SDK1: variants seen among roughly 807,000 people sequenced by gnomAD.
The protein encoded by SDK1 is sidekick cell adhesion molecule 1, also known as protein sidekick-1.
Under a neutral mutation model 245.5 loss-of-function variants are expected in SDK1, and 157 were observed. The ratio of observed to expected loss-of-function variants is 0.64; its 90% CI spans 0.56 to 0.73. The LOEUF is 0.73. SDK1 is among the 30% of genes least tolerant of loss of function. The pLI, the probability that SDK1 is intolerant of heterozygous loss-of-function variation, is 0.00. For missense variants in SDK1, 3,583 were observed against 3,002.3 expected (o/e 1.19, Z -4.52); for synonymous variants, 1,647 against 1,278.5 (o/e 1.29, Z -6.15).
chr7:3,753,556 G>A (rs900109132), intron 4 of SDK1, among the ~76,000 whole-genome samples: 1 of 152,180 alleles, frequency 6.6e-6, no homozygotes, highest in African/African-American at 2.4e-5. Context: ...GGTTCTTGCC[G>A]TTTATTGCAG....
chr7:3,848,922 G>A (rs1227715109), intron 5 of SDK1, among the ~76,000 whole-genome samples: 4 of 152,200 alleles, frequency 2.6e-5, no homozygotes, highest in South Asian at 2.1e-4. Flanking sequence ...CGCCCACCTC[G>A]GCCTCCCAAA....
chr7:3,940,380 G>A (rs918021916), intron 5 of SDK1, among the ~76,000 whole-genome samples: 1 of 152,372 alleles, frequency 6.6e-6, no homozygotes, highest in Middle Eastern at 3.4e-3. Flanking sequence ...AGGCAAACGC[G>A]AAAACGCATC....
At chr7:4,125,341 A>G (rs1180128252) in intron 25 of SDK1, among the ~76,000 whole-genome samples, 1 of 144,770 alleles carries the variant, frequency 6.9e-6, no homozygotes, top group Non-Finnish European at 1.5e-5. Context: ...GGATGAATGA[A>G]TAGATGGATG....
In SDK1 at chr7:3,487,616, A is replaced by G. The variant is rs113658195; in HGVS notation, c.299-131464A>G. Among the ~76,000 whole-genome samples, 99 of 152,118 alleles carry G rather than the reference A, an allele frequency of 6.5e-4. 1 individual carries two copies. Among genetic ancestry groups the G allele is most frequent in the Admixed American group, 1.9e-3 (29 of 15,280 alleles). On this transcript the variant is annotated intron_variant, in intron 1 of 44. Transcript: ENST00000404826. ...CAAACACCCAAAAAATTAGCCAGGC[A>G]TGGTAGCTTGCACCTGTAGTCCCAG...
intron 12 of SDK1, among the ~76,000 whole-genome samples, chr7:3,973,356 T>C (rs1470527943): frequency 6.6e-6 from 1 of 152,196 alleles, no homozygotes; most frequent in Non-Finnish European, 1.5e-5. Context: ...GATCAAATTA[T>C]TGTGGAAAAG....
Position 3,752,763 on chromosome 7 carries a change from G to A in SDK1, c.714-68687G>A, listed in dbSNP as rs187845946. Among the ~76,000 whole-genome samples, 20 of 152,178 alleles carry A rather than the reference G, an allele frequency of 1.3e-4. No homozygotes were observed. In the East Asian group the frequency reaches 3.9e-3, roughly 29 times the overall value. On this transcript the variant is annotated intron_variant, in intron 4 of 44. Coordinates refer to ENST00000404826, the MANE Select transcript of SDK1 (RefSeq NM_152744.4). ...ATGAGACTCATCTTCAAAGGCAAGA[G>A]CCTTATTATTGGGAAACAATTGTGT...
rs1263284292 is a variant in SDK1 at position 4,042,248 on chromosome 7, C to A, written c.2603-7100C>A. Among the ~76,000 whole-genome samples the A allele has an allele frequency of 4.4e-5, 6 of 136,370 alleles. 1 individual carries two copies. The highest frequency in any genetic ancestry group is 2.0e-4 in the African/African-American group (6 of 29,748). The allele number at this position is 136,370 out of a possible 152,430, so 89.5% of individuals were successfully genotyped here. ...CACTGCACTGTCCCACCTCCTTCTT[C>A]CCCATCCACTCCCAGAAATCCTCTC... On this transcript the variant is annotated intron_variant, in intron 17 of 44. Coordinates refer to ENST00000404826, the MANE Select transcript of SDK1 (RefSeq NM_152744.4).
At chr7:3,874,215 C>A (rs186222473) in intron 5 of SDK1, among the ~76,000 whole-genome samples, 1 of 152,174 alleles carries the variant, frequency 6.6e-6, no homozygotes, top group Non-Finnish European at 1.5e-5. Context: ...GCCTAAGTTT[C>A]TCTAGTGGAA....
intron 4 of SDK1, among the ~76,000 whole-genome samples, chr7:3,670,691 A>G (rs1349823668): frequency 1.3e-5 from 2 of 152,124 alleles, no homozygotes; most frequent in Admixed American, 6.5e-5. Context: ...CTCCCCACTT[A>G]TACAGGATAC....
At chr7:3,463,534 T>C (rs555429795) in intron 1 of SDK1, among the ~76,000 whole-genome samples, 180 of 117,750 alleles carry the variant, frequency 1.5e-3, no homozygotes, top group Middle Eastern at 4.0e-3. Context: ...GAATGAAAAG[T>C]GCATAATTTA....
chr7:3,925,572 T>G (rs1446056832), intron 5 of SDK1, among the ~76,000 whole-genome samples: 2 of 152,160 alleles, frequency 1.3e-5, no homozygotes, highest in Non-Finnish European at 2.9e-5. Flanking sequence ...AGACGGCGTG[T>G]TCTCGCTGTT....
intron 1 of SDK1, among the ~76,000 whole-genome samples, chr7:3,523,382 T>C (rs1429101228): frequency 6.6e-6 from 1 of 152,168 alleles, no homozygotes; most frequent in Non-Finnish European, 1.5e-5. Flanking sequence ...ATACAGGATG[T>C]AGTTTCCAAA....
At chr7:3,403,412 G>A (rs143613739) in intron 1 of SDK1, among the ~76,000 whole-genome samples, 11 of 152,132 alleles carry the variant, frequency 7.2e-5, no homozygotes, top group Admixed American at 1.3e-4. Context: ...CTCATTTAAG[G>A]TTATTTGAAC....
At chr7:4,008,461 G>A (rs934750517) in intron 14 of SDK1, among the ~76,000 whole-genome samples, 4 of 152,240 alleles carry the variant, frequency 2.6e-5, no homozygotes, top group African/African-American at 4.8e-5. Flanking sequence ...TATTCCTGAC[G>A]CAAGTCCTGC....
At chr7:4,075,381 G>C (rs1054379861) in intron 20 of SDK1, among the ~76,000 whole-genome samples, 1 of 152,132 alleles carries the variant, frequency 6.6e-6, no homozygotes, top group Admixed American at 6.5e-5. Context: ...CTAAATTCTT[G>C]TTTACCTGCA....
chr7:3,371,618 A>G (rs1432155812), intron 1 of SDK1, among the ~76,000 whole-genome samples: 3 of 152,210 alleles, frequency 2.0e-5, no homozygotes, highest in Admixed American at 1.3e-4. Context: ...TAAGATAATC[A>G]GAAGACTTGA....
intron 1 of SDK1, among the ~76,000 whole-genome samples, chr7:3,315,568 C>A (rs1779643986): frequency 6.6e-6 from 1 of 152,066 alleles, no homozygotes; most frequent in Non-Finnish European, 1.5e-5. Context: ...TAAGAAATTA[C>A]TGTTTTATAA....
rs1583177523 is a variant in SDK1, at chr7:3,570,036, A to C, written c.299-49044A>C. Reference sequence around the variant, plus strand: ...TTTATAATTCTAAATCACACACACCAGCTCCATCATTTGAGAGAGGTGGGG... The same window carrying C: ...TTTATAATTCTAAATCACACACACCCGCTCCATCATTTGAGAGAGGTGGGG... On this transcript the variant is annotated intron_variant, in intron 1 of 44. Coordinates refer to ENST00000404826, the MANE Select transcript of SDK1 (RefSeq NM_152744.4). 3.9e-5 allele frequency among the ~76,000 whole-genome samples: 6 copies of C among 152,288 alleles called. No homozygotes were observed. In the South Asian group the frequency reaches 1.2e-3, roughly 32 times the overall value.
chr7:3,751,645 A>G (rs568539239), intron 4 of SDK1, among the ~76,000 whole-genome samples: 1 of 152,254 alleles, frequency 6.6e-6, no homozygotes, highest in Admixed American at 6.5e-5. Flanking sequence ...CCTTTTTCTC[A>G]AAAGAAACCA....
Sources: gnomAD v4.1 joint callset for allele counts (sites outside exome capture counted in the v4.1 genomes callset) on GRCh38, gnomAD v4.1.1 for gene constraint, MANE v1.5 for transcripts, NCBI Gene and HGNC (gene_info 2026-07-23, HGNC 2026-07-21) for gene names.